The following CCSER2 variants were observed in gnomAD, a reference collection of about 807,000 sequenced individuals.
The protein encoded by CCSER2 is coiled-coil serine rich protein 2, also known as serine-rich coiled-coil domain-containing protein 2.
In CCSER2, 46 loss-of-function variants were observed where a neutral mutation model predicts 92.3. The observed-to-expected ratio is 0.50, with a 90% CI of 0.39 to 0.64. CCSER2 has a LOEUF of 0.64. Ranked by LOEUF, CCSER2 falls within the 30% of genes least tolerant of loss-of-function variation. The pLI is 0.00. For missense variants in CCSER2, 1,244 were observed against 1,238.9 expected (o/e 1.00, Z -0.06); for synonymous variants, 433 against 431.4 (o/e 1.00, Z -0.04).
rs1189758044 is a variant in CCSER2, at chr10:84,371,221, G to A, written c.169G>A (p.Asp57Asn). ...AAGTTACATCAAAAATAATGGCTCT[G>A]ATTGTCCATCATCTCATTCATTTAA... ...VKSYIKNNGSDCPSSHSFNWR... is the reference protein window; with the variant it reads ...VKSYIKNNGSNCPSSHSFNWR... The change falls in exon 2 of 10, where the codon GAT becomes AAT. Residue 57 changes from aspartate to asparagine, a missense_variant. Coordinates refer to ENST00000372088, the MANE Select transcript of CCSER2 (RefSeq NM_001284240.2). 1 of 1,613,288 alleles carries A rather than the reference G, an allele frequency of 6.2e-7. No homozygotes were observed. The highest frequency in any genetic ancestry group is 1.1e-5 in the South Asian group (1 of 90,908).
chr10:84,378,432 A>AT (rs386371982), intron 3 of CCSER2, among the ~76,000 whole-genome samples: 1,632 of 135,928 alleles, frequency 0.012, 24 homozygotes, highest in East Asian at 0.023. Context: ...TTAAAATTAA[A>AT]TTTTTTTTTT....
chr10:84,385,034 C>CACACAT (rs61236890), intron 3 of CCSER2, among the ~76,000 whole-genome samples: 1 of 151,426 alleles, frequency 6.6e-6, no homozygotes, highest in Non-Finnish European at 1.5e-5. Flanking sequence ...CACACACACA[C>CACACAT]CCAGGAATAC....
intron 3 of CCSER2, among the ~76,000 whole-genome samples, chr10:84,374,944 G>A (rs1239922137): frequency 6.6e-6 from 1 of 151,950 alleles, no homozygotes; most frequent in South Asian, 2.1e-4. Context: ...TTTTTTAACC[G>A]TTGTCAACAC....
intron 9 of CCSER2, among the ~76,000 whole-genome samples, chr10:84,483,826 G>A (rs578165421): frequency 2.4e-4 from 28 of 114,958 alleles, no homozygotes; most frequent in African/African-American, 9.4e-4. Flanking sequence ...TCTCTCTCTT[G>A]CCCAGGCTCA....
chr10:84,446,694 A>C (rs1844938095), intron 6 of CCSER2, among the ~76,000 whole-genome samples: 1 of 152,186 alleles, frequency 6.6e-6, no homozygotes, highest in Non-Finnish European at 1.5e-5. Flanking sequence ...ACCCAGATTA[A>C]GAAATAAGAC....
At position 84,447,582 on chromosome 10, in the gene CCSER2, C is replaced by T. The variant is rs573610751; in HGVS notation, c.2064+8875C>T. Among the ~76,000 whole-genome samples the T allele has an allele frequency of 4.6e-5, 7 of 152,252 alleles. No homozygotes were observed. In the South Asian group the frequency reaches 1.4e-3, roughly 31 times the overall value. ...CAGACTTTTTTCTTTGTGGTTTGCA[C>T]TTTTAGAAATCCTTGTTTGAAAATC... On this transcript the variant is annotated intron_variant, in intron 6 of 9. Coordinates refer to ENST00000372088, the MANE Select transcript of CCSER2 (RefSeq NM_001284240.2).
chr10:84,412,661 G>T (rs948953393), intron 3 of CCSER2, among the ~76,000 whole-genome samples: 1 of 152,292 alleles, frequency 6.6e-6, no homozygotes, highest in Admixed American at 6.5e-5. Context: ...GGCTGTGAAG[G>T]CCCTGAGTTC....
chr10:84,496,532 G>T (rs865803259), intron 9 of CCSER2, among the ~76,000 whole-genome samples: 15 of 152,048 alleles, frequency 9.9e-5, no homozygotes, highest in Middle Eastern at 6.9e-3. Flanking sequence ...TGATCTGCCC[G>T]CCTCGGCCTC....
At chr10:84,362,571 A>G (rs1378699255) in intron 1 of CCSER2, among the ~76,000 whole-genome samples, 1 of 152,204 alleles carries the variant, frequency 6.6e-6, no homozygotes, top group African/African-American at 2.4e-5. Flanking sequence ...TAATAACCTT[A>G]TTTAATGTTC....
At chr10:84,350,164 T>A (rs557205527) in intron 1 of CCSER2, among the ~76,000 whole-genome samples, 1 of 152,218 alleles carries the variant, frequency 6.6e-6, no homozygotes, top group South Asian at 2.1e-4. Context: ...AAAGTAATAA[T>A]AATAACAAAA....
intron 1 of CCSER2, among the ~76,000 whole-genome samples, chr10:84,358,636 ATGTATATATG>A (rs1196056657): frequency 1.3e-5 from 2 of 148,486 alleles, no homozygotes; most frequent in South Asian, 2.1e-4. Flanking sequence ...ATATATATAT[ATGTATATATG>A]TGTATATATA....
In CCSER2 at chr10:84,380,758, A is replaced by G. The variant is rs192720390; in HGVS notation, c.1614+6943A>G. Among the ~76,000 whole-genome samples, 134 of 150,682 alleles carry G rather than the reference A, an allele frequency of 8.9e-4. 1 individual carries two copies. The highest frequency in any genetic ancestry group is 3.1e-3 in the African/African-American group (126 of 40,884). ...GCCCAGGCTGGAGTGCAGTGGCGCA[A>G]TCTCGACTTACTGTAAGCTCCGCCT... On this transcript the variant is annotated intron_variant, in intron 3 of 9. Coordinates refer to ENST00000372088, the MANE Select transcript of CCSER2 (RefSeq NM_001284240.2).
intron 6 of CCSER2, among the ~76,000 whole-genome samples, chr10:84,453,765 G>A (rs1845434670): frequency 6.6e-6 from 1 of 152,074 alleles, no homozygotes; most frequent in Admixed American, 6.5e-5. Flanking sequence ...ATTGTATCAG[G>A]TATATACATG....
intron 1 of CCSER2, among the ~76,000 whole-genome samples, chr10:84,329,535 T>A (rs1218305866): frequency 6.6e-6 from 1 of 152,192 alleles, no homozygotes; most frequent in African/African-American, 2.4e-5. Flanking sequence ...TGTTGGTAGC[T>A]CACTCCTGTA....
In CCSER2 at chr10:84,477,584, C is replaced by T. The variant is rs1178382045; in HGVS notation, c.2245C>T (p.His749Tyr). 1 of 1,607,090 alleles carries T rather than the reference C, an allele frequency of 6.2e-7. No homozygotes were observed. Among genetic ancestry groups the T allele is most frequent in the South Asian group, 1.1e-5 (1 of 90,728 alleles). The change falls in exon 9 of 10, where the codon CAT (histidine) becomes TAT (tyrosine). Residue 749 changes from histidine (H) to tyrosine (Y), a missense_variant. Physicochemically the swap from His to Tyr is moderately conservative, Grantham distance 83. Transcript: ENST00000372088. ...QLLELQLATQ[H>Y]ICHQKCKEEK... ...TTGTGTTTTTGTTTAGGCAACTCAG[C>T]ATATCTGCCACCAAAAATGTAAAGA... is the stretch of plus-strand genomic sequence containing the variant.
intron 6 of CCSER2, among the ~76,000 whole-genome samples, chr10:84,460,256 A>ATTTTTTT (rs57903884): frequency 1.6e-5 from 2 of 125,714 alleles, no homozygotes; most frequent in Non-Finnish European, 1.6e-5. Context: ...TGCCCGGCTG[A>ATTTTTTT]TTTTTTTTTT....
chr10:84,498,207 T>C lies in CCSER2; in HGVS notation c.2326-15242T>C, dbSNP rs150405997. 2.6e-5 allele frequency among the ~76,000 whole-genome samples: 4 copies of C among 152,326 alleles called. No homozygotes were observed. In the East Asian group the frequency reaches 7.7e-4, roughly 29 times the overall value. On this transcript the variant is annotated intron_variant, in intron 9 of 9. Transcript: ENST00000372088. ...TAGAAGCTTGGTTCTGCAAAACGCA[T>C]AGGGAGGATTTGGTTGAGAATTTGT...
At chr10:84,435,638 CAA>C (rs5786657) in intron 5 of CCSER2, among the ~76,000 whole-genome samples, 2,293 of 106,914 alleles carry the variant, frequency 0.021, 44 homozygotes, top group African/African-American at 0.074. Flanking sequence ...CCATTCAGTG[CAA>C]AAAAAAAAAA....
At chr10:84,356,103 A>G in intron 1 of CCSER2, among the ~76,000 whole-genome samples, 1 of 76,836 alleles carries the variant, frequency 1.3e-5, no homozygotes, top group South Asian at 3.5e-4. Flanking sequence ...AACTGTCTCA[A>G]AAAAAAAAAA....
Sources: allele counts gnomAD v4.1 joint callset (sites outside exome capture counted in the v4.1 genomes callset), GRCh38; gene constraint gnomAD v4.1.1; transcripts MANE v1.5; gene names NCBI Gene and HGNC (gene_info 2026-07-23, HGNC 2026-07-21).